The following GALNT15 variants were observed in gnomAD, a reference collection of about 807,000 sequenced individuals.
GALNT15 encodes polypeptide N-acetylgalactosaminyltransferase 15.
In GALNT15, 67 loss-of-function variants were observed where a neutral mutation model predicts 66.8. That is an observed-to-expected ratio of 1.00 (90% CI 0.82 to 1.23). The LOEUF (loss-of-function observed/expected upper bound fraction) is 1.23. GALNT15 is among the 50% of genes most tolerant of loss of function. The pLI, the probability that GALNT15 is intolerant of heterozygous loss-of-function variation, is 0.00. For missense variants in GALNT15, 827 were observed against 804.3 expected, an observed-to-expected ratio of 1.03 and a Z score of -0.34; for synonymous variants, 313 against 311.5, an observed-to-expected ratio of 1.00 and a Z score of -0.05.
chr3:16,216,498 C>CA (rs1189021170), intron 6 of GALNT15, among the ~76,000 whole-genome samples: 1 of 31,394 alleles, frequency 3.2e-5, no homozygotes, highest in Admixed American at 4.0e-4. Flanking sequence ...GACTCTGTCT[C>CA]GGGAAAAAAA....
At chr3:16,235,845 C>T (rs1159491600), downstream of GALNT15, among the ~76,000 whole-genome samples, 1 of 152,032 alleles carries the variant, frequency 6.6e-6, no homozygotes, top group Non-Finnish European at 1.5e-5. Context: ...TGGCTCATGC[C>T]TGTAATCCCA....
rs545309485 is a variant in GALNT15 at position 16,219,649 on chromosome 3, G to A, written c.1524+115G>A. The A allele has an allele frequency of 5.4e-5, 76 of 1,413,258 alleles. No homozygotes were observed. In the South Asian group the frequency reaches 9.0e-4, roughly 17 times the overall value. The allele number at this position is 1,413,258 out of a possible 1,614,324, so 87.5% of individuals were successfully genotyped here. ...CCATTCACGGTTTAGCAGGGCCTCA[G>A]AGGCCTTGGGTCCATCCCGTGCCTC... On this transcript the variant is annotated intron_variant, in intron 7 of 9. Coordinates refer to ENST00000339732, the MANE Select transcript of GALNT15 (RefSeq NM_054110.5). This position sits in a 1 kb window ranked among gnomAD's most constrained non-coding sequence, Gnocchi z 4.3.
the GALNT15 span, among the ~76,000 whole-genome samples, chr3:16,248,136 CTCCCCCGCTCAAAACACATGA>C: frequency 6.6e-6 from 1 of 152,210 alleles, no homozygotes; most frequent in African/African-American, 2.4e-5. The surrounding 1 kb of genome is among the most constrained non-coding windows in gnomAD (Gnocchi z 4.9). Context: ...CACTGCCTCC[CTCCCCCGCTCAAAACACATGA>C]AAAGTTATTC....
At chr3:16,246,860 G>A in the GALNT15 span, among the ~76,000 whole-genome samples, 1 of 152,266 alleles carries the variant, frequency 6.6e-6, no homozygotes, top group Non-Finnish European at 1.5e-5. Context: ...TGGGAAAATT[G>A]ACATTGTACT....
intron 1 of GALNT15, among the ~76,000 whole-genome samples, chr3:16,192,802 AGACT>A (rs1340703113): frequency 6.6e-6 from 1 of 152,262 alleles, no homozygotes; most frequent in Non-Finnish European, 1.5e-5. Context: ...CCCTGAACTC[AGACT>A]ATAAAAGTTC....
chr3:16,199,009 G>A (rs1217848655), intron 2 of GALNT15, among the ~76,000 whole-genome samples: 1 of 142,502 alleles, frequency 7.0e-6, no homozygotes. Flanking sequence ...TGCCTACTGT[G>A]GGCCAGGCCC....
chr3:16,229,984 T>A lies in GALNT15; in HGVS notation c.*2484T>A, dbSNP rs949555690. ...CTTCTCCTTTAGTGTAACCAAGTGT[T>A]CAAATTCCCTTCTTCTCTATGAACT... On this transcript the variant is annotated 3_prime_UTR_variant, in exon 10 of 10. Transcript: ENST00000339732. 6.6e-6 allele frequency among the ~76,000 whole-genome samples: 1 copy of A among 152,348 alleles called. No homozygotes were observed. Among genetic ancestry groups the A allele is most frequent in the African/African-American group, 2.4e-5 (1 of 41,594 alleles).
rs1559692533 is a variant in GALNT15 at position 16,219,784 on chromosome 3, T to C, written c.1525-126T>C. On this transcript the variant is annotated intron_variant, in intron 7 of 9. Transcript: ENST00000339732. This position sits in a 1 kb window ranked among gnomAD's most constrained non-coding sequence, Gnocchi z 4.3. ...AGTGGCTTCAGCTTTACCACACCTG[T>C]TGTTGTGGCCTGAACAATGTGCCTT... The C allele has an allele frequency of 1.1e-6, 1 of 903,544 alleles. No individual in the cohort carries two copies. Among genetic ancestry groups the C allele is most frequent in the Non-Finnish European group, 1.8e-6 (1 of 551,562 alleles). The allele number at this position is 903,544 out of a possible 1,614,324, so 56.0% of individuals were successfully genotyped here.
chr3:16,205,638 C>G (rs146627271), intron 3 of GALNT15, among the ~76,000 whole-genome samples: 179 of 152,302 alleles, frequency 1.2e-3, no homozygotes, highest in African/African-American at 3.6e-3. Flanking sequence ...ACGTGAATTC[C>G]AAGAACACCA....
intron 4 of GALNT15, among the ~76,000 whole-genome samples, chr3:16,210,788 T>C (rs1395121758): frequency 6.6e-6 from 1 of 152,170 alleles, no homozygotes; most frequent in Non-Finnish European, 1.5e-5. Context: ...GAGTACCTGA[T>C]TTTAAGCAAG....
Position 16,203,919 on chromosome 3 carries a change from G to A in GALNT15, c.911+3096G>A, listed in dbSNP as rs539651789. Among the ~76,000 whole-genome samples, 1 of 152,232 alleles carries A rather than the reference G, an allele frequency of 6.6e-6. No homozygotes were observed. Among genetic ancestry groups the A allele is most frequent in the African/African-American group, 2.4e-5 (1 of 41,532 alleles). The stretch of plus-strand genomic sequence containing the variant: ...CCTCATACAAAGCCAAGCTGTGGAA[G>A]GCATTTGGTGCAGCTCCTCACATGG... On this transcript the variant is annotated intron_variant, in intron 3 of 9. Coordinates refer to ENST00000339732, the MANE Select transcript of GALNT15 (RefSeq NM_054110.5). This position sits in a 1 kb window ranked among gnomAD's most constrained non-coding sequence, Gnocchi z 6.2.
chr3:16,191,262 A>T lies in GALNT15; in HGVS notation c.540-4498A>T. 2 of 896,572 alleles carry T rather than the reference A, an allele frequency of 2.2e-6. No individual in the cohort carries two copies. Among genetic ancestry groups the T allele is most frequent in the African/African-American group, 3.6e-5 (2 of 55,490 alleles). The allele number at this position is 896,572 out of a possible 1,614,324, so 55.5% of individuals were successfully genotyped here. On this transcript the variant is annotated intron_variant, in intron 1 of 9. Transcript: ENST00000339732. This position sits in a 1 kb window ranked among gnomAD's most constrained non-coding sequence, Gnocchi z 5.2. ...GCCTCCTTCTTCCTCCTGCTGCGGG[A>T]AGGAGCCCCCAAAGAATCAAGAACA...
chr3:16,196,912 A>G (rs2063644742), intron 2 of GALNT15, among the ~76,000 whole-genome samples: 1 of 152,210 alleles, frequency 6.6e-6, no homozygotes, highest in African/African-American at 2.4e-5. Context: ...TAGGGTAGCC[A>G]GGTGCCTCTG....
At chr3:16,220,152 C>A (rs2063927839) in intron 8 of GALNT15, 138 bp downstream of exon 8, 3 of 693,848 alleles carry the variant, frequency 4.3e-6, no homozygotes, top group East Asian at 2.6e-5. Context: ...CCATGGTCCC[C>A]CACTGTAATG....
At chr3:16,226,873 T>C (rs970267648) in intron 9 of GALNT15, among the ~76,000 whole-genome samples, 3 of 152,238 alleles carry the variant, frequency 2.0e-5, no homozygotes, top group Non-Finnish European at 4.4e-5. Flanking sequence ...GAGCAGGGAA[T>C]AGCCATGGTC....
rs547124443 is a variant in GALNT15 at position 16,207,742 on chromosome 3, G to A, written c.912-761G>A. On this transcript the variant is annotated intron_variant, in intron 3 of 9. Coordinates refer to ENST00000339732, the MANE Select transcript of GALNT15 (RefSeq NM_054110.5). ...AGAAGAACTAGACCTGAGAGCAGGG[G>A]TCCATAAACTCTCTGACATCGTGCA... Among the ~76,000 whole-genome samples the A allele has an allele frequency of 3.9e-5, 6 of 152,176 alleles. No homozygotes were observed. The East Asian group carries it at 1.2e-3, about 29-fold the overall frequency.
In GALNT15 at chr3:16,208,563, CT is replaced by C. The variant is rs762844702; in HGVS notation, c.973del (p.Ser325GlnfsTer24). ...IDWKTFQYYP[S>X]KDLQRGVLDW... Reference sequence around the variant, plus strand: ...ACTGGAAGACTTTCCAGTATTACCCCTCAAAGGACCTGCAGCGTGGGGTGTT... The same window carrying C: ...ACTGGAAGACTTTCCAGTATTACCCCCAAAGGACCTGCAGCGTGGGGTGTT... On this transcript the variant is annotated frameshift_variant, in exon 4 of 10. Coordinates refer to ENST00000339732, the MANE Select transcript of GALNT15 (RefSeq NM_054110.5). LOFTEE classifies it high-confidence loss of function. 1.9e-6 allele frequency: 3 copies of C among 1,614,180 alleles called. No homozygotes were observed. In the South Asian group the frequency reaches 3.3e-5, roughly 18 times the overall value.
rs2063737994 is a variant in GALNT15 at position 16,204,558 on chromosome 3, T to C, written c.911+3735T>C. 6.6e-6 allele frequency among the ~76,000 whole-genome samples: 1 copy of C among 152,114 alleles called. No homozygotes were observed. ...ATGGGAATCAAGACTAGCTGTTGTATCCAGCTCTCAGCTGACTTGTGTTGA... is the reference window on the plus strand; with the variant it reads ...ATGGGAATCAAGACTAGCTGTTGTACCCAGCTCTCAGCTGACTTGTGTTGA... On this transcript the variant is annotated intron_variant, in intron 3 of 9. Coordinates refer to ENST00000339732, the MANE Select transcript of GALNT15 (RefSeq NM_054110.5). The surrounding 1 kb of genome is among the most constrained non-coding windows in gnomAD (Gnocchi z 4.5).
chr3:16,223,540 T>C (rs1371881031), intron 9 of GALNT15, among the ~76,000 whole-genome samples: 1 of 152,122 alleles, frequency 6.6e-6, no homozygotes, highest in Non-Finnish European at 1.5e-5. Flanking sequence ...ATCCTGTGCA[T>C]TGGTACTCTT....
Sources: gnomAD v4.1 joint callset for allele counts (sites outside exome capture counted in the v4.1 genomes callset) on GRCh38, gnomAD v4.1.1 for gene constraint, Gnocchi (gnomAD v3.1) non-coding constraint, MANE v1.5 for transcripts, NCBI Gene and HGNC (gene_info 2026-07-23, HGNC 2026-07-21) for gene names.